NCKAP5: variants seen among roughly 807,000 people sequenced by gnomAD.
NCKAP5 encodes the protein NCK associated protein 5, also known as nck-associated protein 5.
NCKAP5 carries 92 observed loss-of-function variants against 167.0 expected under a neutral mutation model. The ratio of observed to expected loss-of-function variants is 0.55; its 90% CI spans 0.47 to 0.66. The LOEUF is 0.66. NCKAP5 is among the 30% of genes least tolerant of loss of function. NCKAP5 has a pLI of 0.00. For synonymous variants in NCKAP5, 891 were observed against 877.4 expected (o/e 1.02, Z -0.27); for missense variants, 2,378 against 2,315.0 (o/e 1.03, Z -0.56).
intron 8 of NCKAP5, among the ~76,000 whole-genome samples, chr2:132,957,159 C>T (rs896735614): frequency 3.9e-5 from 6 of 152,134 alleles, no homozygotes; most frequent in African/African-American, 1.2e-4. Flanking sequence ...CTCAACTTAA[C>T]GCGGGCAAAA....
intron 8 of NCKAP5, among the ~76,000 whole-genome samples, chr2:132,887,712 T>C (rs1447449130): frequency 6.6e-6 from 1 of 152,140 alleles, no homozygotes; most frequent in East Asian, 1.9e-4. Context: ...AGTGGTGTGA[T>C]CATAGCTCAC....
chr2:133,473,975 A>G (rs956827393), intron 3 of NCKAP5, among the ~76,000 whole-genome samples: 1 of 152,228 alleles, frequency 6.6e-6, no homozygotes, highest in Non-Finnish European at 1.5e-5. Context: ...ACATATCCAA[A>G]GGAAATGAAA....
intron 3 of NCKAP5, among the ~76,000 whole-genome samples, chr2:133,335,555 G>A (rs773322581): frequency 1.2e-4 from 18 of 151,940 alleles, no homozygotes; most frequent in African/African-American, 3.9e-4. Flanking sequence ...TTTTAAATCC[G>A]CCACTTGTTC....
chr2:133,226,914 C>A (rs921315238), intron 4 of NCKAP5, among the ~76,000 whole-genome samples: 40 of 152,146 alleles, frequency 2.6e-4, no homozygotes, highest in African/African-American at 9.7e-4. Flanking sequence ...AATCTATCAA[C>A]TATGTATGTT....
At chr2:133,441,476 T>C (rs1057288449) in intron 3 of NCKAP5, among the ~76,000 whole-genome samples, 1 of 152,222 alleles carries the variant, frequency 6.6e-6, no homozygotes, top group Non-Finnish European at 1.5e-5. Flanking sequence ...AGGTGCTCTA[T>C]TTAACTAACT....
chr2:133,629,297 A>G, the NCKAP5 span, among the ~76,000 whole-genome samples: 23 of 152,106 alleles, frequency 1.5e-4, no homozygotes, highest in Admixed American at 2.6e-4. Flanking sequence ...ACAGGAAAAA[A>G]CAGCCCATTA....
intron 2 of NCKAP5, chr2:133,554,173 G>A (rs1687576897): frequency 6.6e-6 from 1 of 152,308 alleles, no homozygotes; most frequent in East Asian, 1.9e-4. Context: ...TGCCTGATGA[G>A]GTCAGGCCCA....
intron 6 of NCKAP5, among the ~76,000 whole-genome samples, chr2:133,059,278 C>T (rs769680094): frequency 1.4e-4 from 22 of 151,982 alleles, no homozygotes; most frequent in South Asian, 4.2e-4. Flanking sequence ...CCAGCCTGGG[C>T]GACAGAGCGA....
chr2:132,727,509 A>G (rs1157501232), intron 18 of NCKAP5, among the ~76,000 whole-genome samples: 1 of 152,242 alleles, frequency 6.6e-6, no homozygotes, highest in Non-Finnish European at 1.5e-5. Flanking sequence ...CGTATATGCC[A>G]AATCAGACAC....
At chr2:132,920,765 A>ATG (rs1221326985) in intron 8 of NCKAP5, among the ~76,000 whole-genome samples, 1 of 53,216 alleles carries the variant, frequency 1.9e-5, no homozygotes, top group African/African-American at 1.0e-4. Flanking sequence ...ATGTATATAT[A>ATG]TGTATGTATA....
intron 3 of NCKAP5, among the ~76,000 whole-genome samples, chr2:133,490,374 A>G (rs1681333514): frequency 1.3e-5 from 2 of 152,166 alleles, no homozygotes; most frequent in African/African-American, 4.8e-5. Flanking sequence ...GAAAAGCAAC[A>G]CATACAAATC....
chr2:132,776,954 A>T (rs1053199541), intron 15 of NCKAP5, among the ~76,000 whole-genome samples: 4 of 152,192 alleles, frequency 2.6e-5, no homozygotes, highest in African/African-American at 9.6e-5. Context: ...GAGAGTGAAC[A>T]CAAAACCAAG....
At chr2:133,481,167 T>C (rs757234275) in intron 3 of NCKAP5, among the ~76,000 whole-genome samples, 17 of 152,320 alleles carry the variant, frequency 1.1e-4, no homozygotes, top group Middle Eastern at 6.8e-3. Context: ...CTGACAGTAT[T>C]ATTAAACGGC....
intron 5 of NCKAP5, among the ~76,000 whole-genome samples, chr2:133,140,548 C>G (rs1036158352): frequency 6.6e-6 from 1 of 152,052 alleles, no homozygotes; most frequent in African/African-American, 2.4e-5. Context: ...TGAACTTCAG[C>G]TATATTTACT....
At chr2:133,396,274 C>T (rs1470437950) in intron 3 of NCKAP5, among the ~76,000 whole-genome samples, 1 of 151,982 alleles carries the variant, frequency 6.6e-6, no homozygotes, top group Non-Finnish European at 1.5e-5. Context: ...TCTCAATGAA[C>T]AAAGTGGTTG....
At chr2:132,767,493 G>T (rs11885601) in intron 16 of NCKAP5, among the ~76,000 whole-genome samples, 9,650 of 152,116 alleles carry the variant, frequency 0.063, 705 homozygotes, top group Admixed American at 0.17. Context: ...TTATCCACCC[G>T]CCTTGGCCTC....
intron 3 of NCKAP5, among the ~76,000 whole-genome samples, chr2:133,409,432 A>G (rs1688641727): frequency 6.6e-6 from 1 of 152,240 alleles, no homozygotes; most frequent in South Asian, 2.1e-4. Context: ...TGCCTGGACA[A>G]CAGACTTATA....
intron 11 of NCKAP5, among the ~76,000 whole-genome samples, chr2:132,839,393 T>C (rs963012531): frequency 3.3e-5 from 5 of 152,254 alleles, no homozygotes; most frequent in African/African-American, 7.2e-5. Context: ...TTTTTCCAGG[T>C]AGATAGCTAG....
chr2:133,517,632 T>G, intron 2 of NCKAP5, 45 bp from the exon 3 acceptor site: 1 of 614,990 alleles, frequency 1.6e-6, no homozygotes, highest in East Asian at 3.1e-5. Context: ...TACACAGTGT[T>G]TAGACCTTTG....
Sources: allele counts gnomAD v4.1 joint callset (sites outside exome capture counted in the v4.1 genomes callset), GRCh38; gene constraint gnomAD v4.1.1; transcripts MANE v1.5; gene names NCBI Gene and HGNC (gene_info 2026-07-23, HGNC 2026-07-21).